Variants in RASEF observed in about 807,000 individuals in gnomAD.
RASEF encodes ras and EF-hand domain-containing protein.
Under a neutral mutation model 90.1 loss-of-function variants are expected in RASEF, and 68 were observed. That is an observed-to-expected ratio of 0.75 (90% CI 0.62 to 0.92). RASEF has a LOEUF of 0.92. RASEF is among the 40% of genes least tolerant of loss of function. The probability of loss-of-function intolerance (pLI) is 0.00; values close to 1 mark genes in which losing one functional copy is unlikely to be tolerated. For synonymous variants in RASEF, 331 were observed against 345.2 expected, an observed-to-expected ratio of 0.96 and a Z score of 0.46; for missense variants, 949 against 937.2, an observed-to-expected ratio of 1.01 and a Z score of -0.16.
the RASEF span, among the ~76,000 whole-genome samples, chr9:83,175,726 G>A: frequency 6.6e-5 from 10 of 151,926 alleles, no homozygotes; most frequent in South Asian, 2.1e-4. Flanking sequence ...GACTACAGGC[G>A]CACACTGCCA....
At chr9:83,065,016 C>T (rs185709593), upstream of RASEF, among the ~76,000 whole-genome samples, 39 of 152,168 alleles carry the variant, frequency 2.6e-4, 1 homozygote, top group East Asian at 6.8e-3. Flanking sequence ...TGCAGTGAGC[C>T]GAGATCGCGC....
the RASEF span, among the ~76,000 whole-genome samples, chr9:83,146,097 C>T: frequency 6.6e-6 from 1 of 150,896 alleles, no homozygotes; most frequent in Non-Finnish European, 1.5e-5. Context: ...GGGGATACTC[C>T]TTGGAGACCC....
chr9:82,985,914 C>T (rs1425172578), intron 16 of RASEF, among the ~76,000 whole-genome samples: 2 of 152,158 alleles, frequency 1.3e-5, no homozygotes, highest in African/African-American at 2.4e-5. Flanking sequence ...CTTAAAGCCA[C>T]ATGAACACAC....
At chr9:83,142,769 A>G in the RASEF span, among the ~76,000 whole-genome samples, 1 of 152,216 alleles carries the variant, frequency 6.6e-6, no homozygotes, top group Admixed American at 6.5e-5. Flanking sequence ...CTCTATTTTT[A>G]CATTTAAAAA....
At chr9:83,128,025 C>CTT in the RASEF span, among the ~76,000 whole-genome samples, 2,837 of 134,240 alleles carry the variant, frequency 0.021, 63 homozygotes, top group African/African-American at 0.056. Context: ...TTTTTCTTTT[C>CTT]TTTTTTTTTT....
At chr9:83,155,575 G>A in the RASEF span, among the ~76,000 whole-genome samples, 1 of 152,100 alleles carries the variant, frequency 6.6e-6, no homozygotes, top group African/African-American at 2.4e-5. Flanking sequence ...CAACACATGG[G>A]AATTATGAGA....
At chr9:83,157,758 C>A in the RASEF span, among the ~76,000 whole-genome samples, 16 of 152,250 alleles carry the variant, frequency 1.1e-4, no homozygotes, top group African/African-American at 3.8e-4. Context: ...AATGAAAGCA[C>A]ATATTTGATA....
chr9:83,114,479 G>A, the RASEF span, among the ~76,000 whole-genome samples: 21 of 152,222 alleles, frequency 1.4e-4, no homozygotes, highest in Non-Finnish European at 2.4e-4. Context: ...CAGGGAACAA[G>A]AGAGAGAACC....
chr9:83,069,662 A>T, the RASEF span, among the ~76,000 whole-genome samples: 1 of 152,102 alleles, frequency 6.6e-6, no homozygotes, highest in African/African-American at 2.4e-5. Context: ...CATACGTTTT[A>T]TTTTCTCTTG....
intron 16 of RASEF, among the ~76,000 whole-genome samples, chr9:82,987,420 C>T (rs1828729300): frequency 6.6e-6 from 1 of 152,146 alleles, no homozygotes; most frequent in Admixed American, 6.5e-5. Context: ...TAACTATAAC[C>T]TATCCATTAT....
intron 1 of RASEF, among the ~76,000 whole-genome samples, chr9:83,057,961 C>G (rs1830131193): frequency 6.7e-6 from 1 of 149,882 alleles, no homozygotes; most frequent in Non-Finnish European, 1.5e-5. Flanking sequence ...GAGAAAAGAG[C>G]TGATTTACCT....
At chr9:83,045,800 C>T (rs1829917826) in intron 1 of RASEF, among the ~76,000 whole-genome samples, 1 of 152,284 alleles carries the variant, frequency 6.6e-6, no homozygotes, top group East Asian at 1.9e-4. Flanking sequence ...CCCAGTGTGC[C>T]CCCAAGTAAC....
the RASEF span, among the ~76,000 whole-genome samples, chr9:83,207,598 C>CT: frequency 0.045 from 3,794 of 85,218 alleles, 59 homozygotes; most frequent in Non-Finnish European, 0.054. Flanking sequence ...AGGAGGGCTG[C>CT]TTTTTTTTTT....
intron 1 of RASEF, among the ~76,000 whole-genome samples, chr9:83,044,945 G>A (rs920373082): frequency 6.6e-6 from 1 of 152,102 alleles, no homozygotes; most frequent in Non-Finnish European, 1.5e-5. Context: ...GGAGGAAGAG[G>A]GAATTCTGCT....
chr9:83,175,053 G>A, the RASEF span, among the ~76,000 whole-genome samples: 1 of 152,068 alleles, frequency 6.6e-6, no homozygotes, highest in Non-Finnish European at 1.5e-5. Context: ...AAAAAACAGA[G>A]CATGTGATCC....
At chr9:83,119,480 C>T in the RASEF span, among the ~76,000 whole-genome samples, 187 of 152,292 alleles carry the variant, frequency 1.2e-3, 4 homozygotes, top group East Asian at 0.034. Flanking sequence ...GGTTATCCTA[C>T]ATGATGGCTT....
chr9:83,026,666 G>T (rs1042525574), intron 1 of RASEF, among the ~76,000 whole-genome samples: 1 of 152,054 alleles, frequency 6.6e-6, no homozygotes, highest in Non-Finnish European at 1.5e-5. Context: ...ATCTGAGTGG[G>T]GACACAGCCA....
the RASEF span, among the ~76,000 whole-genome samples, chr9:83,078,480 A>G: frequency 1.3e-5 from 2 of 152,164 alleles, no homozygotes; most frequent in African/African-American, 4.8e-5. Context: ...CAGCCTGGCC[A>G]AAATAGTGAA....
In RASEF at chr9:83,012,466, C is replaced by T. The variant is rs371480785; in HGVS notation, c.811G>A (p.Ala271Thr). ...KRVSQKEDVAALKKQIYDLSM... is the reference protein window; with the variant it reads ...KRVSQKEDVATLKKQIYDLSM... The stretch of plus-strand genomic sequence containing the variant: ...AAATCATAAATTTGTTTTTTCAATG[C>T]AGCCACATCTTCCTTTTGACTTACG... The change falls in exon 5 of 17, where the codon GCA (alanine) becomes ACA (threonine). Residue 271 changes from alanine to threonine, a missense_variant. Ala to Thr is a moderately conservative substitution (Grantham distance 58). This residue lies in a region of RASEF where 656 missense variants were observed against 592.2 expected (regional missense o/e 1.11). Coordinates refer to ENST00000376447, the MANE Select transcript of RASEF (RefSeq NM_152573.4). 5 of 1,589,642 alleles carry T rather than the reference C, an allele frequency of 3.1e-6. No homozygotes were observed. In the African/African-American group the frequency reaches 6.8e-5, roughly 22 times the overall value.
Sources: allele counts gnomAD v4.1 joint callset (sites outside exome capture counted in the v4.1 genomes callset), GRCh38; gene constraint gnomAD v4.1.1; regional missense constraint gnomAD v4.1.1; transcripts MANE v1.5; gene names NCBI Gene and HGNC (gene_info 2026-07-23, HGNC 2026-07-21).